PRMT3: variants seen among roughly 807,000 people sequenced by gnomAD.
The protein encoded by PRMT3 is protein arginine methyltransferase 3.
A neutral mutation model predicts 71.9 loss-of-function variants in PRMT3; 62 were observed. The observed-to-expected ratio is 0.86, with a 90% CI of 0.70 to 1.07. The LOEUF (loss-of-function observed/expected upper bound fraction) is 1.07, where lower values mean the gene tolerates loss of function less well. PRMT3 is among the 50% of genes least tolerant of loss of function. The pLI is 0.00. For missense variants in PRMT3, 663 were observed against 643.0 expected (o/e 1.03, Z -0.34); for synonymous variants, 213 against 220.4 (o/e 0.97, Z 0.30).
chr11:20,490,763 A>G (rs1238012411), intron 13 of PRMT3, among the ~76,000 whole-genome samples: 1 of 152,144 alleles, frequency 6.6e-6, no homozygotes, highest in Non-Finnish European at 1.5e-5. Flanking sequence ...TAAAAGGTAC[A>G]CTAAAAATTT....
intron 9 of PRMT3, among the ~76,000 whole-genome samples, chr11:20,412,851 T>C (rs751364124): frequency 6.6e-6 from 1 of 152,158 alleles, no homozygotes; most frequent in African/African-American, 2.4e-5. Flanking sequence ...GGCATGTGCC[T>C]GAGGCAGGAG....
At chr11:20,495,179 C>T (rs1370308761) in intron 15 of PRMT3, among the ~76,000 whole-genome samples, 1 of 152,128 alleles carries the variant, frequency 6.6e-6, no homozygotes, top group Non-Finnish European at 1.5e-5. Flanking sequence ...CCACGCCCAG[C>T]TAATTTTTGT....
intron 4 of PRMT3, 70 bp from the exon 5 acceptor site, chr11:20,392,827 T>C (rs1848745278): frequency 2.0e-6 from 2 of 987,204 alleles, no homozygotes; most frequent in African/African-American, 3.3e-5. Flanking sequence ...GTTTAATTTC[T>C]GTAGTTTTTA....
chr11:20,466,907 A>G (rs1036923), intron 13 of PRMT3, among the ~76,000 whole-genome samples: 120,649 of 152,178 alleles, frequency 0.79, 50,131 homozygotes, highest in Non-Finnish European at 0.93. Flanking sequence ...AAAATGAATT[A>G]TAAGTAAACT....
chr11:20,499,107 T>C (rs1414772952), intron 15 of PRMT3, among the ~76,000 whole-genome samples: 6 of 152,188 alleles, frequency 3.9e-5, no homozygotes, highest in Non-Finnish European at 7.4e-5. Context: ...GCTTAAAACA[T>C]ATGGAGAAGT....
Position 20,392,278 on chromosome 11 carries a change from T to C in PRMT3, c.297+18T>C. 6.5e-7 allele frequency: 1 copy of C among 1,549,350 alleles called. No homozygotes were observed. On this transcript the variant is annotated intron_variant, in intron 4 of 15. Transcript: ENST00000331079. ...GACTTAAGGTAAGTTGACAGCTTAA[T>C]TTATAATTTCGTTTAGAAATCAAAG...
At chr11:20,404,898 G>A (rs1849038128) in intron 8 of PRMT3, among the ~76,000 whole-genome samples, 1 of 152,058 alleles carries the variant, frequency 6.6e-6, no homozygotes, top group African/African-American at 2.4e-5. Context: ...TTAATACTTG[G>A]TGATAGGAAT....
At chr11:20,434,372 T>C (rs920352997) in intron 10 of PRMT3, among the ~76,000 whole-genome samples, 1 of 149,052 alleles carries the variant, frequency 6.7e-6, no homozygotes, top group African/African-American at 2.4e-5. Flanking sequence ...AGAAGCTCTT[T>C]AGTTTAATTA....
intron 5 of PRMT3, among the ~76,000 whole-genome samples, chr11:20,393,395 C>T (rs903085732): frequency 6.6e-6 from 1 of 152,164 alleles, no homozygotes; most frequent in Non-Finnish European, 1.5e-5. Flanking sequence ...CAGAGCAAGA[C>T]TCTGTCTAAA....
rs1590072152 is a variant in PRMT3, at chr11:20,449,002, T to A, written c.994-3128T>A. Among the ~76,000 whole-genome samples the A allele has an allele frequency of 3.3e-5, 5 of 152,216 alleles. No homozygotes were observed. The South Asian group carries it at 8.3e-4, about 25-fold the overall frequency. ...GGGCATTTGGACCAGAGCCTTCTGA[T>A]ATCAGTAATAAATGACTTGGTTCAG... On this transcript the variant is annotated intron_variant, in intron 10 of 15. Transcript: ENST00000331079.
At position 20,392,151 on chromosome 11, in the gene PRMT3, A is replaced by G. The variant is rs1848728457; in HGVS notation, c.248-60A>G. Reference sequence around the variant, plus strand: ...TTAATCAGAGAAGGCTTTATAGAATAGGTCAGTTAAACAAAACTCATTATG... The same window carrying G: ...TTAATCAGAGAAGGCTTTATAGAATGGGTCAGTTAAACAAAACTCATTATG... On this transcript the variant is annotated intron_variant, in intron 3 of 15. Transcript: ENST00000331079. 8 of 1,485,524 alleles carry G rather than the reference A, an allele frequency of 5.4e-6. No individual in the cohort carries two copies. The East Asian group carries it at 1.9e-4, about 35-fold the overall frequency. The allele number at this position is 1,485,524 out of a possible 1,614,324, so 92.0% of individuals were successfully genotyped here.
chr11:20,415,820 G>A (rs1849292888), intron 9 of PRMT3, among the ~76,000 whole-genome samples: 1 of 152,122 alleles, frequency 6.6e-6, no homozygotes, highest in African/African-American at 2.4e-5. Flanking sequence ...TTATTATTCT[G>A]CAATCATATG....
chr11:20,415,731 A>G (rs372594674), intron 9 of PRMT3, among the ~76,000 whole-genome samples: 10 of 152,166 alleles, frequency 6.6e-5, no homozygotes, highest in African/African-American at 2.4e-4. Flanking sequence ...AGTGTGCATG[A>G]TGAATCTTCA....
chr11:20,425,715 TGAAA>T (rs1849531302), intron 9 of PRMT3, among the ~76,000 whole-genome samples: 1 of 152,136 alleles, frequency 6.6e-6, no homozygotes, highest in Non-Finnish European at 1.5e-5. Flanking sequence ...TAATATATAA[TGAAA>T]GAAAGAAAAT....
intron 9 of PRMT3, among the ~76,000 whole-genome samples, chr11:20,416,134 T>C (rs1305257098): frequency 6.6e-6 from 1 of 152,204 alleles, no homozygotes; most frequent in Non-Finnish European, 1.5e-5. Flanking sequence ...TGCACTTAAC[T>C]GGACCAGTTG....
At chr11:20,462,203 A>G (rs540509254) in intron 12 of PRMT3, 36 bp downstream of exon 12, 1 of 1,461,352 alleles carries the variant, frequency 6.8e-7, no homozygotes, top group African/African-American at 1.4e-5. Flanking sequence ...TTATAATGGT[A>G]TTGCTATTTT....
At chr11:20,465,064 C>G (rs1358314205) in intron 13 of PRMT3, among the ~76,000 whole-genome samples, 2 of 152,088 alleles carry the variant, frequency 1.3e-5, no homozygotes, top group African/African-American at 2.4e-5. Flanking sequence ...GGTTCTACCA[C>G]TTATTTCGTT....
chr11:20,406,057 C>G (rs1019351957), intron 8 of PRMT3: 25 of 152,146 alleles, frequency 1.6e-4, no homozygotes, highest in African/African-American at 5.6e-4. Flanking sequence ...TGGAATCTTA[C>G]AGTACAGTCG....
chr11:20,458,137 A>G (rs1195680159), intron 11 of PRMT3, among the ~76,000 whole-genome samples: 1 of 152,130 alleles, frequency 6.6e-6, no homozygotes, highest in Non-Finnish European at 1.5e-5. Context: ...CATTTTTGCT[A>G]CCATTGTTAT....
Sources: allele counts gnomAD v4.1 joint callset (sites outside exome capture counted in the v4.1 genomes callset), GRCh38; gene constraint gnomAD v4.1.1; transcripts MANE v1.5; gene names NCBI Gene and HGNC (gene_info 2026-07-23, HGNC 2026-07-21).